FAT1: variants seen among roughly 807,000 people sequenced by gnomAD.
FAT1 encodes FAT atypical cadherin 1.
A neutral mutation model predicts 329.8 loss-of-function variants in FAT1; 171 were observed. The ratio of observed to expected loss-of-function variants is 0.52; its 90% CI spans 0.46 to 0.59. The LOEUF is 0.59. Ranked by LOEUF, FAT1 falls within the 20% of genes least tolerant of loss-of-function variation. The pLI, the probability that FAT1 is intolerant of heterozygous loss-of-function variation, is 0.00. For synonymous variants in FAT1, 2,233 were observed against 2,228.6 expected (o/e 1.00, Z -0.06); for missense variants, 5,672 against 5,774.4 (o/e 0.98, Z 0.57).
intron 2 of FAT1, among the ~76,000 whole-genome samples, chr4:186,683,019 GC>G (rs1743298302): frequency 6.6e-6 from 1 of 152,200 alleles, no homozygotes; most frequent in African/African-American, 2.4e-5. Flanking sequence ...ATTCCCTTCA[GC>G]CACAGACCAC....
rs1246076935 is a variant in FAT1, at chr4:186,621,500, A to T, written c.5086T>A (p.Ser1696Thr). ...CCATCTTTTATTTCATACACCACTG[A>T]TGATTGACTATGGGCTGTAACCATC... ...VGMVTAHSQS[S>T]VVYEIKDGNT... The change falls in exon 10 of 27, where the codon TCA (serine) becomes ACA (threonine). Residue 1696 changes from serine (S) to threonine (T), a missense_variant. By Grantham distance (58) the Ser-to-Thr change is moderately conservative. Around this residue, in one of 2 missense-constraint regions of FAT1, gnomAD observed 3,966 missense variants for 3,915.2 expected, o/e 1.01. Coordinates refer to ENST00000441802, the MANE Select transcript of FAT1 (RefSeq NM_005245.4). The T allele has an allele frequency of 6.2e-7, 1 of 1,614,036 alleles. No homozygotes were observed. The highest frequency in any genetic ancestry group is 8.5e-7 in the Non-Finnish European group (1 of 1,179,894).
At chr4:186,717,840 T>A (rs1745286577) in intron 1 of FAT1, among the ~76,000 whole-genome samples, 1 of 152,172 alleles carries the variant, frequency 6.6e-6, no homozygotes, top group African/African-American at 2.4e-5. Context: ...CCCCTCTCTA[T>A]ATATTCCTTA....
intron 17 of FAT1, among the ~76,000 whole-genome samples, chr4:186,605,682 G>A (rs75468506): frequency 0.04 from 6,016 of 150,086 alleles, 267 homozygotes; most frequent in East Asian, 0.18. Flanking sequence ...TAGGGAGGAA[G>A]AAGAGTGGGG....
Position 186,609,955 on chromosome 4 carries a change from A to G in FAT1, c.9914T>C (p.Val3305Ala). ...YESSHEYYLT[V>A]EATDGGTPSL... ...AGGCGTGCCTCCATCAGTGGCCTCT[A>G]CTGTTAGGTAATACTCATGAGAGCT... The change falls in exon 15 of 27, where the codon GTA becomes GCA. Residue 3305 changes from valine to alanine, a missense_variant. Physicochemically the swap from Val to Ala is moderately conservative, Grantham distance 64 (BLOSUM62 0). This residue lies in a region of FAT1 where 1,706 missense variants were observed against 1,859.1 expected (regional missense o/e 0.92). Coordinates refer to ENST00000441802, the MANE Select transcript of FAT1 (RefSeq NM_005245.4). 2 of 1,613,492 alleles carry G rather than the reference A, an allele frequency of 1.2e-6. No individual in the cohort carries two copies. Among genetic ancestry groups the G allele is most frequent in the African/African-American group, 1.3e-5 (1 of 75,018 alleles).
Position 186,708,915 on chromosome 4 carries a change from T to C in FAT1, c.913A>G (p.Thr305Ala), listed in dbSNP as rs1303749379. 6.2e-7 allele frequency: 1 copy of C among 1,613,998 alleles called. No homozygotes were observed. The highest frequency in any genetic ancestry group is 1.1e-5 in the South Asian group (1 of 91,078). The change falls in exon 2 of 27, where the codon ACA (threonine) becomes GCA (alanine). Residue 305 changes from threonine to alanine, a missense_variant. Thr to Ala is a moderately conservative substitution (Grantham distance 58). Coordinates refer to ENST00000441802, the MANE Select transcript of FAT1 (RefSeq NM_005245.4). Reference sequence around the variant, plus strand: ...TTACTCCCTGGAAAGGACCTCACTGTTCTAAACTGCTGGAGAAGGTCACCT... The same window carrying C: ...TTACTCCCTGGAAAGGACCTCACTGCTCTAAACTGCTGGAGAAGGTCACCT... Reference protein sequence around the residue: ...VAGDLLQQFRTVRSFPGSKEY... With the variant: ...VAGDLLQQFRAVRSFPGSKEY...
intron 26 of FAT1, chr4:186,592,641 C>T (rs770673191): frequency 2.6e-5 from 12 of 454,098 alleles, no homozygotes; most frequent in African/African-American, 4.0e-5. Flanking sequence ...CCGAGCTCTA[C>T]GACACGGCTG....
intron 10 of FAT1, among the ~76,000 whole-genome samples, chr4:186,617,465 G>A (rs1001322081): frequency 6.6e-6 from 1 of 152,112 alleles, no homozygotes; most frequent in African/African-American, 2.4e-5. Context: ...TATACACTAA[G>A]TATAAGGTTC....
intron 2 of FAT1, 48 bp from the exon 3 acceptor site, chr4:186,663,661 C>A (rs1411141280): frequency 6.9e-7 from 1 of 1,453,762 alleles, no homozygotes; most frequent in Non-Finnish European, 9.3e-7. Context: ...ACGACCAAAA[C>A]TGCCAGCTTC....
At position 186,700,903 on chromosome 4, in the gene FAT1, T is replaced by C. The variant is rs146801010; in HGVS notation, c.3265+5660A>G. ...ACCAGTGTCATTACCACTGACAGCA[T>C]GAGGACAAAGCCGGCCTGTCTGACG... On this transcript the variant is annotated intron_variant, in intron 2 of 26. Coordinates refer to ENST00000441802, the MANE Select transcript of FAT1 (RefSeq NM_005245.4). Among the ~76,000 whole-genome samples, 1,129 of 152,280 alleles carry C rather than the reference T, an allele frequency of 7.4e-3. 14 individuals are homozygous for C. Among genetic ancestry groups the C allele is most frequent in the African/African-American group, 0.026 (1,081 of 41,546 alleles).
At position 186,621,837 on chromosome 4, in the gene FAT1, TAGAGAAAC is replaced by T; in HGVS notation, c.4811-70_4811-63del. ...CACAAGGGGCAGTAGTAGTAGTAGT[TAGAGAAAC>T]AGAAACAAAGTATCCTTAAAAATTA... On this transcript the variant is annotated intron_variant, in intron 9 of 26. Coordinates refer to ENST00000441802, the MANE Select transcript of FAT1 (RefSeq NM_005245.4). 3.0e-6 allele frequency: 3 copies of T among 1,006,158 alleles called. No homozygotes were observed. The South Asian group carries it at 5.7e-5, about 19-fold the overall frequency. 62.3% of individuals were successfully genotyped at this position (1,006,158 alleles called of 1,614,324 possible). A position where few individuals can be genotyped will look rare whatever the true frequency, so the allele number is the denominator to read the frequency against.
At chr4:186,686,502 G>A (rs960500613) in intron 2 of FAT1, among the ~76,000 whole-genome samples, 1 of 152,132 alleles carries the variant, frequency 6.6e-6, no homozygotes, top group Non-Finnish European at 1.5e-5. Flanking sequence ...CTGCTCTGTT[G>A]AAATGCAACC....
chr4:186,614,206 G>T lies in FAT1; in HGVS notation c.9214C>A (p.Leu3072Ile). 1.3e-6 allele frequency: 2 copies of T among 1,599,608 alleles called. No individual in the cohort carries two copies. Among genetic ancestry groups the T allele is most frequent in the Non-Finnish European group, 1.7e-6 (2 of 1,175,630 alleles). Residue 3072 changes from leucine to isoleucine, a missense_variant, in exon 12 of 27, where the codon CTA becomes ATA. Leu to Ile is a conservative substitution (Grantham distance 5). This residue lies in a region of FAT1 where 3,966 missense variants were observed against 3,915.2 expected (regional missense o/e 1.01). Transcript: ENST00000441802. ...CCATCATTACCTGTGTCTGGATTTA[G>T]TTTGAATTTTTCTGCACCTGAACCC... ...LLGSGAEKFKLNPDTGELKTS... is the reference protein window; with the variant it reads ...LLGSGAEKFKINPDTGELKTS...
chr4:186,595,981 A>C (rs143065086), intron 25 of FAT1, among the ~76,000 whole-genome samples, 155 bp from the exon 26 acceptor site: 138 of 152,210 alleles, frequency 9.1e-4, no homozygotes, highest in African/African-American at 3.2e-3. Flanking sequence ...TACAAACTCA[A>C]ACGAAGAAAT....
intron 2 of FAT1, among the ~76,000 whole-genome samples, chr4:186,675,583 A>G (rs903510193): frequency 6.6e-6 from 1 of 152,110 alleles, no homozygotes; most frequent in Non-Finnish European, 1.5e-5. Flanking sequence ...GCTGGGCAAC[A>G]TGGCAAAACC....
At position 186,596,812 on chromosome 4, in the gene FAT1, G is replaced by A. The variant is rs1560918222; in HGVS notation, c.12728C>T (p.Ser4243Leu). 1 of 1,614,004 alleles carries A rather than the reference G, an allele frequency of 6.2e-7. No individual in the cohort carries two copies. Among genetic ancestry groups the A allele is most frequent in the Non-Finnish European group, 8.5e-7 (1 of 1,179,892 alleles). Residue 4243 changes from serine (S) to leucine (L), a missense_variant, in exon 25 of 27, where the codon TCA becomes TTA. Ser to Leu is a moderately radical substitution (Grantham distance 145). Around this residue, in one of 2 missense-constraint regions of FAT1, gnomAD observed 1,706 missense variants for 1,859.1 expected, o/e 0.92. Transcript: ENST00000441802. The surrounding 1 kb of genome is among the most constrained non-coding windows in gnomAD (Gnocchi z 4.7). ...GACAGGCACCTGGGGTGGTATGTCTGAGTAAATGTTCTTATTTAGCTTGGA... is the reference window on the plus strand; with the variant it reads ...GACAGGCACCTGGGGTGGTATGTCTAAGTAAATGTTCTTATTTAGCTTGGA... ...FDSKLNKNIY[S>L]DIPPQVPVRP... is the part of the protein sequence containing the mutation.
Position 186,706,826 on chromosome 4 carries a change from A to T in FAT1, c.3002T>A (p.Val1001Glu), listed in dbSNP as rs2126683379. Residue 1001 changes from valine (V) to glutamate (E), a missense_variant, in exon 2 of 27, where the codon GTG (valine) becomes GAG (glutamate). Coordinates refer to ENST00000441802, the MANE Select transcript of FAT1 (RefSeq NM_005245.4). ...FEKKQVYNLT[V>E]RAKDKGKPVS... ...TGGCTTTCCCTTGTCTTTGGCCCTC[A>T]CAGTGAGATTATACACTTGCTTCTT... The T allele has an allele frequency of 6.2e-7, 1 of 1,613,968 alleles. No homozygotes were observed. The highest frequency in any genetic ancestry group is 8.5e-7 in the Non-Finnish European group (1 of 1,179,880).
chr4:186,592,236 C>G (rs1738271527), intron 26 of FAT1, among the ~76,000 whole-genome samples: 2 of 152,150 alleles, frequency 1.3e-5, no homozygotes, highest in African/African-American at 2.4e-5. Context: ...TTTCACTAAA[C>G]CAAATATGAA....
chr4:186,590,524 C>G, intron 26 of FAT1: 1 of 535,496 alleles, frequency 1.9e-6, no homozygotes, highest in South Asian at 1.5e-5. Context: ...ATCAGCCATA[C>G]AGCATGTCCT....
intron 2 of FAT1, among the ~76,000 whole-genome samples, chr4:186,674,636 G>A (rs938270704): frequency 6.6e-6 from 1 of 152,128 alleles, no homozygotes. Flanking sequence ...CAAGAACTCC[G>A]TGTGACCAGG....
Sources: gnomAD v4.1 joint callset for allele counts (sites outside exome capture counted in the v4.1 genomes callset) on GRCh38, gnomAD v4.1.1 for gene constraint, gnomAD v4.1.1 regional missense constraint, Gnocchi (gnomAD v3.1) non-coding constraint, MANE v1.5 for transcripts, NCBI Gene and HGNC (gene_info 2026-07-23, HGNC 2026-07-21) for gene names.